PHKG1: variants seen among roughly 807,000 people sequenced by gnomAD.
PHKG1 encodes the protein phosphorylase b kinase gamma catalytic chain, skeletal muscle/heart isoform.
PHKG1 carries 48 observed loss-of-function variants against 50.5 expected under a neutral mutation model. The observed-to-expected ratio is 0.95, with a 90% CI of 0.75 to 1.21. The LOEUF is 1.21. Ranked by LOEUF, PHKG1 falls within the 50% of genes most tolerant of loss-of-function variation. The pLI is 0.00. For missense variants in PHKG1, 487 were observed against 519.5 expected (o/e 0.94, Z 0.61); for synonymous variants, 204 against 212.8 (o/e 0.96, Z 0.36).
At position 56,081,412 on chromosome 7, in the gene PHKG1, G is replaced by C. The variant is rs1320189228; in HGVS notation, c.919-113C>G. On this transcript the variant is annotated intron_variant, in intron 9 of 9. Transcript: ENST00000297373. This position sits in a 1 kb window ranked among gnomAD's most constrained non-coding sequence, Gnocchi z 4.6. ...CCACGAAGCCTTGGGTGGCTTCTGC[G>C]GGGCCTTCCTAGTGTCCCCCACTTC... The C allele has an allele frequency of 1.6e-5, 22 of 1,396,426 alleles. No individual in the cohort carries two copies. The highest frequency in any genetic ancestry group is 2.1e-5 in the Non-Finnish European group (22 of 1,044,200). 86.5% of individuals were successfully genotyped at this position (1,396,426 alleles called of 1,614,324 possible).
rs1179545479 is a variant in PHKG1, at chr7:56,080,403, A to G, written c.*651T>C. ...CTCAGCCTCCTGAGTAGCTGGGACT[A>G]CAAGTGTGCACCACCATGCCTGGCT... On this transcript the variant is annotated 3_prime_UTR_variant, in exon 10 of 10. Coordinates refer to ENST00000297373, the MANE Select transcript of PHKG1 (RefSeq NM_006213.5). 6.3e-6 allele frequency: 1 copy of G among 158,238 alleles called. No homozygotes were observed. Among genetic ancestry groups the G allele is most frequent in the African/African-American group, 2.4e-5 (1 of 41,168 alleles). 9.8% of individuals were successfully genotyped at this position (158,238 alleles called of 1,614,324 possible). A position where few individuals can be genotyped will look rare whatever the true frequency, so the allele number is the denominator to read the frequency against.
chr7:56,082,885 A>AT (rs1399673778), intron 6 of PHKG1, among the ~76,000 whole-genome samples: 1 of 152,016 alleles, frequency 6.6e-6, no homozygotes, highest in Non-Finnish European at 1.5e-5. Flanking sequence ...AGGCGGGCGG[A>AT]TCGTAAGGTC....
At chr7:56,083,771 C>T in intron 4 of PHKG1, 56 bp from the exon 5 acceptor site, 1 of 1,237,336 alleles carries the variant, frequency 8.1e-7, no homozygotes, top group East Asian at 2.5e-5. Context: ...ACTGCCCTTA[C>T]CCTGCTCCCA....
At chr7:56,083,227 GT>G in intron 6 of PHKG1, 50 bp downstream of exon 6, 1 of 1,563,994 alleles carries the variant, frequency 6.4e-7, no homozygotes, top group Non-Finnish European at 8.8e-7. Context: ...TCTGCAGATG[GT>G]TGATTGAGCA....
At chr7:56,091,315 G>T (rs1796487026) in intron 1 of PHKG1, among the ~76,000 whole-genome samples, 1 of 152,134 alleles carries the variant, frequency 6.6e-6, no homozygotes, top group South Asian at 2.1e-4. Flanking sequence ...AGGAGATCGA[G>T]ACCATCCTGG....
rs924700777 is a variant in PHKG1 at position 56,081,545 on chromosome 7, C to T, written c.918+85G>A. 1.4e-5 allele frequency: 21 copies of T among 1,486,130 alleles called. 1 individual carries two copies. Among genetic ancestry groups the T allele is most frequent in the South Asian group, 9.5e-5 (8 of 84,262 alleles). The allele number at this position is 1,486,130 out of a possible 1,614,324, so 92.1% of individuals were successfully genotyped here. A position where few individuals can be genotyped will look rare whatever the true frequency, so the allele number is the denominator to read the frequency against. ...GAGGGATGGGTACTCTGGAAATTCA[C>T]GGGGTGTAAGGACTCCTGGGAGAGG... On this transcript the variant is annotated intron_variant, in intron 9 of 9. Coordinates refer to ENST00000297373, the MANE Select transcript of PHKG1 (RefSeq NM_006213.5). The surrounding 1 kb of genome is among the most constrained non-coding windows in gnomAD (Gnocchi z 4.6).
At position 56,080,905 on chromosome 7, in the gene PHKG1, G is replaced by C; in HGVS notation, c.*149C>G. 1 of 871,698 alleles carries C rather than the reference G, an allele frequency of 1.1e-6. No individual in the cohort carries two copies. The highest frequency in any genetic ancestry group is 1.7e-5 in the South Asian group (1 of 57,716). 54.0% of individuals were successfully genotyped at this position (871,698 alleles called of 1,614,324 possible). On this transcript the variant is annotated 3_prime_UTR_variant, in exon 10 of 10. Transcript: ENST00000297373. ...CACTTCCCTTGTGCACAGCCTTTGA[G>C]AGGGGATCGTGGCCTCAGTTCCAGG... is the stretch of plus-strand genomic sequence containing the variant.
At position 56,088,982 on chromosome 7, in the gene PHKG1, G is replaced by A. The variant is rs779415858; in HGVS notation, c.-34-7C>T. The A allele has an allele frequency of 4.2e-6, 6 of 1,426,616 alleles. No individual in the cohort carries two copies. The African/African-American group carries it at 8.4e-5, about 20-fold the overall frequency. 88.4% of individuals were successfully genotyped at this position (1,426,616 alleles called of 1,614,324 possible). ...GAGGGAACTCTGGGTGGCTCTGAGA[G>A]GGGAAAAGAAAGAAGCTGTCAGCCT... On this transcript the variant is annotated splice_region_variant and splice_polypyrimidine_tract_variant and intron_variant, in intron 1 of 9. Coordinates refer to ENST00000297373, the MANE Select transcript of PHKG1 (RefSeq NM_006213.5).
intron 4 of PHKG1, among the ~76,000 whole-genome samples, chr7:56,084,764 T>C (rs990971570): frequency 1.3e-5 from 2 of 152,204 alleles, no homozygotes; most frequent in Non-Finnish European, 2.9e-5. Context: ...GGATTAAGAA[T>C]TGAGGTTCAA....
In PHKG1 at chr7:56,080,695, C is replaced by T. The variant is rs556763551; in HGVS notation, c.*359G>A. The stretch of plus-strand genomic sequence containing the variant: ...AGACATTTGTGTCTTTGATCCTCAC[C>T]CTGTGACCCTAAGGGAAGAAAGCCT... On this transcript the variant is annotated 3_prime_UTR_variant, in exon 10 of 10. Coordinates refer to ENST00000297373, the MANE Select transcript of PHKG1 (RefSeq NM_006213.5). 2.4e-4 allele frequency: 71 copies of T among 298,934 alleles called. No individual in the cohort carries two copies. Among genetic ancestry groups the T allele is most frequent in the African/African-American group, 1.4e-3 (67 of 46,596 alleles). The allele number at this position is 298,934 out of a possible 1,614,324, so 18.5% of individuals were successfully genotyped here. A position where few individuals can be genotyped will look rare whatever the true frequency, so the allele number is the denominator to read the frequency against.
At chr7:56,092,413 C>T (rs902318280) in intron 1 of PHKG1, among the ~76,000 whole-genome samples, 2 of 152,164 alleles carry the variant, frequency 1.3e-5, no homozygotes, top group African/African-American at 4.8e-5. Context: ...GCTAGGACTA[C>T]AGGCACGAGC....
intron 4 of PHKG1, among the ~76,000 whole-genome samples, chr7:56,086,085 C>A (rs1434911683): frequency 1.3e-5 from 2 of 151,640 alleles, no homozygotes; most frequent in East Asian, 1.9e-4. Context: ...TGCTGACCGA[C>A]CTTACATCCT....
At position 56,087,284 on chromosome 7, in the gene PHKG1, C is replaced by T. The variant is rs1480591001; in HGVS notation, c.263-260G>A. 4.6e-5 allele frequency among the ~76,000 whole-genome samples: 7 copies of T among 151,344 alleles called. No homozygotes were observed. The East Asian group carries it at 1.4e-3, about 30-fold the overall frequency. On this transcript the variant is annotated intron_variant, in intron 3 of 9. Transcript: ENST00000297373. ...TCACCCAGGCTGGAGTGTAATAGTG[C>T]AATCATAACTCACTGCAGCCTCAAA... is the stretch of plus-strand genomic sequence containing the variant.
chr7:56,081,680 G>T lies in PHKG1; in HGVS notation c.868C>A (p.Gln290Lys). The T allele has an allele frequency of 6.2e-7, 1 of 1,613,922 alleles. No individual in the cohort carries two copies. The highest frequency in any genetic ancestry group is 1.3e-5 in the African/African-American group (1 of 75,038). Residue 290 changes from glutamine (Q) to lysine (K), a missense_variant, in exon 9 of 10, where the codon CAG becomes AAG. By Grantham distance (53) the Gln-to-Lys change is moderately conservative. Transcript: ENST00000297373. This position sits in a 1 kb window ranked among gnomAD's most constrained non-coding sequence, Gnocchi z 4.6. ...TGCCGCACTTCCTCCACCAAGTACT[G>T]CTGGAAGAAGGGGTGTGCCAAGGCC... ...EEALAHPFFQ[Q>K]YLVEEVRHFS...
chr7:56,087,514 G>A (rs1584629023), intron 3 of PHKG1, 84 bp downstream of exon 3: 21 of 1,362,604 alleles, frequency 1.5e-5, no homozygotes, highest in African/African-American at 2.8e-5. Context: ...TTGGCTGTGC[G>A]GTGGGGCCAC....
intron 6 of PHKG1, 147 bp from the exon 7 acceptor site, chr7:56,082,400 C>T (rs564356851): frequency 5.6e-5 from 34 of 603,698 alleles, no homozygotes; most frequent in Non-Finnish European, 9.3e-5. Context: ...CGAGACCAGC[C>T]TGGCCAACAT....
chr7:56,088,892 T>G lies in PHKG1; in HGVS notation c.50A>C (p.Tyr17Ser), dbSNP rs756184535. 6.8e-6 allele frequency: 11 copies of G among 1,613,572 alleles called. No individual in the cohort carries two copies. The Admixed American group carries it at 1.8e-4, about 27-fold the overall frequency. Residue 17 changes from tyrosine to serine, a missense_variant, in exon 2 of 10, where the codon TAT (tyrosine) becomes TCT (serine). Transcript: ENST00000297373. Reference protein sequence around the residue: ...LPDSHSAQDFYENYEPKEILG... With the variant: ...LPDSHSAQDFSENYEPKEILG... Reference sequence around the variant, plus strand: ...GATCTCTTTGGGCTCATAATTCTCATAGAAGTCCTGTGCAGAATGAGAGTC... The same window carrying G: ...GATCTCTTTGGGCTCATAATTCTCAGAGAAGTCCTGTGCAGAATGAGAGTC...
chr7:56,081,825 G>T lies in PHKG1; in HGVS notation c.792+68C>A. On this transcript the variant is annotated intron_variant, in intron 8 of 9. Transcript: ENST00000297373. The surrounding 1 kb of genome is among the most constrained non-coding windows in gnomAD (Gnocchi z 4.6). Reference sequence around the variant, plus strand: ...CCTCCAGCATGTCAGGAAAGGCAGGGCCTCCCCGGGCAGGGGCGCCTGGCA... The same window carrying T: ...CCTCCAGCATGTCAGGAAAGGCAGGTCCTCCCCGGGCAGGGGCGCCTGGCA... 3.1e-6 allele frequency: 5 copies of T among 1,608,474 alleles called. No homozygotes were observed. Among genetic ancestry groups the T allele is most frequent in the Admixed American group, 3.4e-5 (2 of 59,570 alleles).
At position 56,082,014 on chromosome 7, in the gene PHKG1, A is replaced by T; in HGVS notation, c.671T>A (p.Leu224Gln). ...GTGCCAGAAGGGCGGGGAGCCGGCC[A>T]GCAGCGTGTACATGATGACGCCAGT... ...WSTGVIMYTL[L>Q]AGSPPFWHRK... The change falls in exon 8 of 10, where the codon CTG becomes CAG. Residue 224 changes from leucine to glutamine, a missense_variant. Coordinates refer to ENST00000297373, the MANE Select transcript of PHKG1 (RefSeq NM_006213.5). 1 of 1,613,922 alleles carries T rather than the reference A, an allele frequency of 6.2e-7. No individual in the cohort carries two copies. Among genetic ancestry groups the T allele is most frequent in the South Asian group, 1.1e-5 (1 of 91,086 alleles).
Sources: allele counts gnomAD v4.1 joint callset (sites outside exome capture counted in the v4.1 genomes callset), GRCh38; gene constraint gnomAD v4.1.1; non-coding constraint Gnocchi (gnomAD v3.1); transcripts MANE v1.5; gene names NCBI Gene and HGNC (gene_info 2026-07-23, HGNC 2026-07-21).